KIF21A: variants seen among roughly 807,000 people sequenced by gnomAD.
KIF21A encodes the protein kinesin-like protein KIF21A.
A neutral mutation model predicts 202.9 loss-of-function variants in KIF21A; 114 were observed. The observed-to-expected ratio is 0.56, with a 90% confidence interval of 0.48 to 0.66. The LOEUF is 0.66. Among genes scored for constraint, KIF21A ranks in the 30% least tolerant of loss-of-function variants. The probability of loss-of-function intolerance (pLI) is 0.00; values close to 1 mark genes in which losing one functional copy is unlikely to be tolerated. For synonymous variants in KIF21A, 667 were observed against 670.8 expected (o/e 0.99, Z 0.09); for missense variants, 1,677 against 1,994.9 (o/e 0.84, Z 3.04).
At chr12:39,421,052 T>A in intron 1 of KIF21A, among the ~76,000 whole-genome samples, 1 of 152,248 alleles carries the variant, frequency 6.6e-6, no homozygotes, top group Admixed American at 6.5e-5. Context: ...AGTCAATGAC[T>A]GACCGCATAT....
rs868824262 is a variant in KIF21A at position 39,436,446 on chromosome 12, A to T, written c.44+6481T>A. ...ATTATATATATATATATATATATAT[A>T]TATTTTTTTTTTTTTTAGACAGGGT... On this transcript the variant is annotated intron_variant, in intron 1 of 37. Coordinates refer to ENST00000361418, the MANE Select transcript of KIF21A (RefSeq NM_001173464.2). Among the ~76,000 whole-genome samples, 51 of 104,312 alleles carry T rather than the reference A, an allele frequency of 4.9e-4. 2 individuals carry two copies. Among genetic ancestry groups the T allele is most frequent in the Middle Eastern group, 4.8e-3 (1 of 210 alleles). The allele number at this position is 104,312 out of a possible 152,430, so 68.4% of individuals were successfully genotyped here.
intron 1 of KIF21A, among the ~76,000 whole-genome samples, chr12:39,376,725 G>A (rs1211740144): frequency 6.6e-5 from 10 of 152,030 alleles, no homozygotes; most frequent in Admixed American, 3.3e-4. Context: ...TGATGCAAAC[G>A]ATCAAACTTA....
At chr12:39,436,449 T>TATATATATATATATATATATATATATATA (rs1491365902) in intron 1 of KIF21A, among the ~76,000 whole-genome samples, 6 of 86,836 alleles carry the variant, frequency 6.9e-5, no homozygotes, top group South Asian at 4.0e-4. Context: ...TATATATATA[T>TATATATATATATATATATATATATATATA]TTTTTTTTTT....
chr12:39,388,872 A>G (rs1177826359), intron 1 of KIF21A, among the ~76,000 whole-genome samples: 1 of 152,210 alleles, frequency 6.6e-6, no homozygotes, highest in African/African-American at 2.4e-5. Flanking sequence ...ATTTTAAAAC[A>G]TAGGAAAGCT....
intron 27 of KIF21A, 120 bp from the exon 28 acceptor site, chr12:39,320,133 T>C (rs1167941703): frequency 3.2e-6 from 2 of 634,632 alleles, no homozygotes; most frequent in Non-Finnish European, 5.6e-6. Flanking sequence ...GATTATTACT[T>C]GAGAACAAAA....
chr12:39,423,167 T>C (rs1306861138), intron 1 of KIF21A, among the ~76,000 whole-genome samples: 1 of 152,142 alleles, frequency 6.6e-6, no homozygotes, highest in Non-Finnish European at 1.5e-5. Context: ...ACCTAAAACT[T>C]AACCTGCTCA....
chr12:39,425,051 T>C (rs979116793), intron 1 of KIF21A, among the ~76,000 whole-genome samples: 1 of 152,166 alleles, frequency 6.6e-6, no homozygotes, highest in Non-Finnish European at 1.5e-5. Flanking sequence ...ACCTGTCCAC[T>C]AACAGGCCAG....
At chr12:39,400,659 G>C (rs953629722) in intron 1 of KIF21A, among the ~76,000 whole-genome samples, 1 of 152,162 alleles carries the variant, frequency 6.6e-6, no homozygotes, top group Non-Finnish European at 1.5e-5. Context: ...TAAAAAGAAA[G>C]GGAAGGGTCT....
chr12:39,294,626 A>C, intron 37 of KIF21A, 109 bp from the exon 38 acceptor site: 2 of 802,624 alleles, frequency 2.5e-6, no homozygotes, highest in South Asian at 1.5e-5. Flanking sequence ...GTCTTCAAGA[A>C]ATCCAAGTAT....
At chr12:39,327,641 CTTAG>C (rs1428509384) in intron 24 of KIF21A, among the ~76,000 whole-genome samples, 1 of 152,182 alleles carries the variant, frequency 6.6e-6, no homozygotes, top group Non-Finnish European at 1.5e-5. Context: ...GCCTGTATGC[CTTAG>C]TTAGAGATAA....
At chr12:39,399,287 G>A (rs1441511201) in intron 1 of KIF21A, among the ~76,000 whole-genome samples, 1 of 152,168 alleles carries the variant, frequency 6.6e-6, no homozygotes, top group East Asian at 1.9e-4. Flanking sequence ...GTGAGGATGT[G>A]TGAGTATATA....
At chr12:39,396,686 AC>A (rs1192561064) in intron 1 of KIF21A, among the ~76,000 whole-genome samples, 2 of 152,220 alleles carry the variant, frequency 1.3e-5, no homozygotes, top group Non-Finnish European at 2.9e-5. Flanking sequence ...GCCAGGAGAG[AC>A]GAAGTAATTT....
In KIF21A at chr12:39,357,408, C is replaced by T; in HGVS notation, c.1245G>A (p.Val415=). 6.2e-7 allele frequency: 1 copy of T among 1,614,016 alleles called. No individual in the cohort carries two copies. Among genetic ancestry groups the T allele is most frequent in the Non-Finnish European group, 8.5e-7 (1 of 1,179,916 alleles). ...CATGAAACATGTCATTGATGCTTTC[C>T]ACACCCTCTTCGTCAATTATTCTTT... is the stretch of plus-strand genomic sequence containing the variant. ...TGKRIIDEEG[V]ESINDMFHEN... The change falls in exon 9 of 38, where the codon GTG becomes GTA. Residue 415 remains valine (V), a synonymous_variant. Transcript: ENST00000361418.
chr12:39,369,569 A>G (rs1469064086), intron 3 of KIF21A, among the ~76,000 whole-genome samples, 160 bp downstream of exon 3: 1 of 152,250 alleles, frequency 6.6e-6, no homozygotes, highest in Non-Finnish European at 1.5e-5. Flanking sequence ...TCCTACAAGT[A>G]AGGAAAAGTT....
At chr12:39,404,156 G>A (rs1268273187) in intron 1 of KIF21A, among the ~76,000 whole-genome samples, 2 of 152,066 alleles carry the variant, frequency 1.3e-5, no homozygotes, top group Non-Finnish European at 2.9e-5. Context: ...ACACAATCAT[G>A]CTACTCTACT....
chr12:39,305,313 C>T (rs1201910092), intron 34 of KIF21A, among the ~76,000 whole-genome samples: 2 of 149,000 alleles, frequency 1.3e-5, no homozygotes, highest in East Asian at 3.9e-4. Flanking sequence ...CTGCAGCAAG[C>T]CGAGATTGAG....
chr12:39,362,970 G>T, intron 7 of KIF21A, 128 bp downstream of exon 7: 2 of 662,646 alleles, frequency 3.0e-6, no homozygotes, highest in Non-Finnish European at 2.7e-6. Flanking sequence ...ATCCTTAACA[G>T]TATAAGGATT....
Position 39,330,911 on chromosome 12 carries a change from C to T in KIF21A, c.3154G>A (p.Gly1052Ser). Residue 1052 changes from glycine to serine, a missense_variant and splice_region_variant, in exon 23 of 38, where the codon GGT (glycine) becomes AGT (serine). This residue lies in a region of KIF21A where 705 missense variants were observed against 791.9 expected (regional missense o/e 0.89). Coordinates refer to ENST00000361418, the MANE Select transcript of KIF21A (RefSeq NM_001173464.2). ...DHFLSMGINK[G>S]LQAAQKEAQI... Reference sequence around the variant, plus strand: ...GCCTCTTTCTGGGCAGCCTGAAGACCCTGAAACACAACAAAAAATTATCTT... The same window carrying T: ...GCCTCTTTCTGGGCAGCCTGAAGACTCTGAAACACAACAAAAAATTATCTT... 1 of 1,613,816 alleles carries T rather than the reference C, an allele frequency of 6.2e-7. No homozygotes were observed. The highest frequency in any genetic ancestry group is 8.5e-7 in the Non-Finnish European group (1 of 1,179,810).
chr12:39,402,760 T>G (rs1369088074), intron 1 of KIF21A, among the ~76,000 whole-genome samples: 1 of 152,174 alleles, frequency 6.6e-6, no homozygotes, highest in Non-Finnish European at 1.5e-5. Context: ...CAATTTTGGT[T>G]TTAGCTCATC....
Sources: allele counts gnomAD v4.1 joint callset (sites outside exome capture counted in the v4.1 genomes callset), GRCh38; gene constraint gnomAD v4.1.1; regional missense constraint gnomAD v4.1.1; transcripts MANE v1.5; gene names NCBI Gene and HGNC (gene_info 2026-07-23, HGNC 2026-07-21).